Variants in SOCS1 observed in about 807,000 individuals in gnomAD.
SOCS1 encodes the protein JAK binding protein.
SOCS1 carries 3 observed loss-of-function variants against 9.7 expected under a neutral mutation model. The ratio of observed to expected loss-of-function variants is 0.31; its 90% CI spans 0.14 to 0.80. The LOEUF (loss-of-function observed/expected upper bound fraction) is 0.80. Among genes scored for constraint, SOCS1 ranks in the 30% least tolerant of loss-of-function variants. The probability of loss-of-function intolerance (pLI) is 0.61; values close to 1 mark genes in which losing one functional copy is unlikely to be tolerated. For missense variants in SOCS1, 368 were observed against 324.7 expected (o/e 1.13, Z -1.02); for synonymous variants, 194 against 150.2 (o/e 1.29, Z -2.13).
rs912273119 is a variant in SOCS1, at chr16:11,254,852, G to A, written c.627C>T (p.Phe209=). The part of the protein sequence containing the change: ...VLRDYLSSFP[F]QI ...CGGCGGGCGCTGCCGGTCAAATCTG[G>A]AAGGGGAAGGAGCTCAGGTAGTCGC... Residue 209 remains phenylalanine, a synonymous_variant, in exon 2 of 2, where the codon TTC becomes TTT. Coordinates refer to ENST00000332029, the MANE Select transcript of SOCS1 (RefSeq NM_003745.2). 6.8e-7 allele frequency: 1 copy of A among 1,480,458 alleles called. No homozygotes were observed. Among genetic ancestry groups the A allele is most frequent in the Admixed American group, 2.8e-5 (1 of 35,876 alleles). 91.7% of individuals were successfully genotyped at this position (1,480,458 alleles called of 1,614,324 possible).
intron 1 of SOCS1, 98 bp from the exon 2 acceptor site, chr16:11,255,626 G>A (rs2141125838): frequency 2.4e-6 from 1 of 417,444 alleles, no homozygotes; most frequent in East Asian, 3.6e-5. Flanking sequence ...GGCGGACCCG[G>A]CCCTAGGGGG....
At position 11,254,991 on chromosome 16, in the gene SOCS1, C is replaced by A; in HGVS notation, c.488G>T (p.Gly163Val). Residue 163 changes from glycine to valine, a missense_variant, in exon 2 of 2, where the codon GGG (glycine) becomes GTG (valine). By Grantham distance (109) the Gly-to-Val change is moderately radical. Transcript: ENST00000332029. ...CACGCGGCGCTGGCGCAGCGGGGCC[C>A]CCAGCATGCGGCGCGGCGCCGCCAC... ...HYVAAPRRML[G>V]APLRQRRVRP... is the part of the protein sequence containing the mutation. 2 of 1,561,370 alleles carry A rather than the reference C, an allele frequency of 1.3e-6. No homozygotes were observed. Among genetic ancestry groups the A allele is most frequent in the East Asian group, 2.5e-5 (1 of 39,256 alleles).
Position 11,255,312 on chromosome 16 carries a change from C to A in SOCS1, c.167G>T (p.Arg56Leu). The part of the protein sequence containing the change: ...PAPAPGDTHF[R>L]TFRSHADYRR... ...GTAATCGGCGTGCGAACGGAATGTG[C>A]GGAAGTGCGTGTCGCCGGGGGCCGG... Residue 56 changes from arginine to leucine, a missense_variant, in exon 2 of 2, where the codon CGC becomes CTC. Transcript: ENST00000332029. The A allele has an allele frequency of 1.3e-6, 2 of 1,487,796 alleles. No homozygotes were observed. The highest frequency in any genetic ancestry group is 1.8e-6 in the Non-Finnish European group (2 of 1,123,490). The allele number at this position is 1,487,796 out of a possible 1,614,324, so 92.2% of individuals were successfully genotyped here.
rs1467715276 is a variant in SOCS1, at chr16:11,255,217, C to A, written c.262G>T (p.Gly88Trp). 1.9e-6 allele frequency: 3 copies of A among 1,575,930 alleles called. No individual in the cohort carries two copies. The highest frequency in any genetic ancestry group is 2.4e-5 in the East Asian group (1 of 42,508). The change falls in exon 2 of 2, where the codon GGG becomes TGG. Residue 88 changes from glycine to tryptophan, a missense_variant. Physicochemically the swap from Gly to Trp is radical, Grantham distance 184. Transcript: ENST00000332029. ...GFYWGPLSVH[G>W]AHERLRAEPV... is the part of the protein sequence containing the mutation. ...TCGGCGCGCAGCCGCTCGTGCGCCC[C>A]GTGCACGCTCAGGGGCCCCCAGTAG...
chr16:11,254,645 A>G lies in SOCS1; in HGVS notation c.*198T>C. The stretch of plus-strand genomic sequence containing the variant: ...ACCAGGGGGACCCAGAGGGAGCACC[A>G]GGAGGGGGAGGACCCCCTCAAGAGG... On this transcript the variant is annotated 3_prime_UTR_variant, in exon 2 of 2. Coordinates refer to ENST00000332029, the MANE Select transcript of SOCS1 (RefSeq NM_003745.2). The G allele has an allele frequency of 1.6e-6, 1 of 639,686 alleles. No individual in the cohort carries two copies. Among genetic ancestry groups the G allele is most frequent in the Non-Finnish European group, 2.3e-6 (1 of 435,218 alleles). The allele number at this position is 639,686 out of a possible 1,614,324, so 39.6% of individuals were successfully genotyped here. A position where few individuals can be genotyped will look rare whatever the true frequency, so the allele number is the denominator to read the frequency against.
At position 11,255,086 on chromosome 16, in the gene SOCS1, C is replaced by G. The variant is rs752818785; in HGVS notation, c.393G>C (p.Gln131His). The G allele has an allele frequency of 2.2e-5, 36 of 1,610,154 alleles. No homozygotes were observed. In the Admixed American group the frequency reaches 2.8e-4, roughly 13 times the overall value. Residue 131 changes from glutamine to histidine, a missense_variant, in exon 2 of 2, where the codon CAG (glutamine) becomes CAC (histidine). Coordinates refer to ENST00000332029, the MANE Select transcript of SOCS1 (RefSeq NM_003745.2). Reference protein sequence around the residue: ...SGPTSIRVHFQAGRFHLDGSR... With the variant: ...SGPTSIRVHFHAGRFHLDGSR... The stretch of plus-strand genomic sequence containing the variant: ...TGCCATCCAGGTGAAAGCGGCCGGC[C>G]TGAAAGTGCACGCGGATGCTCGTGG...
In SOCS1 at chr16:11,255,089, A is replaced by T; in HGVS notation, c.390T>A (p.Phe130Leu). The T allele has an allele frequency of 6.2e-7, 1 of 1,610,234 alleles. No homozygotes were observed. The highest frequency in any genetic ancestry group is 8.5e-7 in the Non-Finnish European group (1 of 1,178,960). The change falls in exon 2 of 2, where the codon TTT becomes TTA. Residue 130 changes from phenylalanine to leucine, a missense_variant. Transcript: ENST00000332029. ...ASGPTSIRVHFQAGRFHLDGS... is the reference protein window; with the variant it reads ...ASGPTSIRVHLQAGRFHLDGS... ...CATCCAGGTGAAAGCGGCCGGCCTG[A>T]AAGTGCACGCGGATGCTCGTGGGTC...
Position 11,254,973 on chromosome 16 carries a change from CG to C in SOCS1, c.505del (p.Arg169AlafsTer36). 1 of 1,530,102 alleles carries C rather than the reference CG, an allele frequency of 6.5e-7. No homozygotes were observed. Among genetic ancestry groups the C allele is most frequent in the Non-Finnish European group, 8.7e-7 (1 of 1,144,484 alleles). 94.8% of individuals were successfully genotyped at this position (1,530,102 alleles called of 1,614,324 possible). ...RRMLGAPLRQ[R>X]RVRPLQELCR... Reference sequence around the variant, plus strand: ...CAGCTCCTGCAGCGGCCGCACGCGGCGCTGGCGCAGCGGGGCCCCCAGCATG... The same window carrying C: ...CAGCTCCTGCAGCGGCCGCACGCGGCCTGGCGCAGCGGGGCCCCCAGCATG... On this transcript the variant is annotated frameshift_variant, in exon 2 of 2. Coordinates refer to ENST00000332029, the MANE Select transcript of SOCS1 (RefSeq NM_003745.2). LOFTEE classifies it high-confidence loss of function.
chr16:11,255,284 C>T lies in SOCS1; in HGVS notation c.195G>A (p.Arg65=), dbSNP rs1383070028. The T allele has an allele frequency of 1.3e-6, 2 of 1,533,526 alleles. No homozygotes were observed. Among genetic ancestry groups the T allele is most frequent in the African/African-American group, 2.8e-5 (2 of 70,884 alleles). The allele number at this position is 1,533,526 out of a possible 1,614,324, so 95.0% of individuals were successfully genotyped here. Residue 65 remains arginine (R), a synonymous_variant, in exon 2 of 2, where the codon CGG becomes CGA. Coordinates refer to ENST00000332029, the MANE Select transcript of SOCS1 (RefSeq NM_003745.2). ...GGAGCGCGCTGGCGCGCGTGATGCG[C>T]CGGTAATCGGCGTGCGAACGGAATG... ...FRTFRSHADY[R]RITRASALLD...
In SOCS1 at chr16:11,255,522, G is replaced by C; in HGVS notation, c.-44C>G. 1 of 1,177,980 alleles carries C rather than the reference G, an allele frequency of 8.5e-7. No homozygotes were observed. Among genetic ancestry groups the C allele is most frequent in the Non-Finnish European group, 1.1e-6 (1 of 934,496 alleles). The allele number at this position is 1,177,980 out of a possible 1,614,324, so 73.0% of individuals were successfully genotyped here. Reference sequence around the variant, plus strand: ...CGGAGGGGTGGGCCATAGCGTCCGGGGGTGCGCTGCGGGAGAGACAAAGAG... The same window carrying C: ...CGGAGGGGTGGGCCATAGCGTCCGGCGGTGCGCTGCGGGAGAGACAAAGAG... On this transcript the variant is annotated 5_prime_UTR_variant, in exon 2 of 2. Transcript: ENST00000332029.
chr16:11,255,336 G>T lies in SOCS1; in HGVS notation c.143C>A (p.Pro48Gln). The T allele has an allele frequency of 6.9e-7, 1 of 1,455,678 alleles. No homozygotes were observed. The allele number at this position is 1,455,678 out of a possible 1,614,324, so 90.2% of individuals were successfully genotyped here. Reference protein sequence around the residue: ...RPRPCPAVPAPAPGDTHFRTF... With the variant: ...RPRPCPAVPAQAPGDTHFRTF... Reference sequence around the variant, plus strand: ...GCGGAAGTGCGTGTCGCCGGGGGCCGGGGCCGGGACCGCGGGGCACGGCCG... The same window carrying T: ...GCGGAAGTGCGTGTCGCCGGGGGCCTGGGCCGGGACCGCGGGGCACGGCCG... Residue 48 changes from proline to glutamine, a missense_variant, in exon 2 of 2, where the codon CCG becomes CAG. Coordinates refer to ENST00000332029, the MANE Select transcript of SOCS1 (RefSeq NM_003745.2).
chr16:11,255,158 G>C lies in SOCS1; in HGVS notation c.321C>G (p.Arg107=). Residue 107 remains arginine (R), a synonymous_variant, in exon 2 of 2, where the codon CGC becomes CGG. Transcript: ENST00000332029. ...TAAGGGCGAAAAAGCAGTTCCGCTG[G>C]CGGCTGTCGCGCACCAGGAAGGTGC... The part of the protein sequence containing the change: ...PVGTFLVRDS[R]QRNCFFALSV... The C allele has an allele frequency of 6.2e-7, 1 of 1,600,086 alleles. No homozygotes were observed. The highest frequency in any genetic ancestry group is 8.5e-7 in the Non-Finnish European group (1 of 1,177,006).
At position 11,255,375 on chromosome 16, in the gene SOCS1, G is replaced by A. The variant is rs2141125339; in HGVS notation, c.104C>T (p.Ala35Val). 2 of 1,338,698 alleles carry A rather than the reference G, an allele frequency of 1.5e-6. No homozygotes were observed. Among genetic ancestry groups the A allele is most frequent in the South Asian group, 2.2e-5 (1 of 46,064 alleles). 82.9% of individuals were successfully genotyped at this position (1,338,698 alleles called of 1,614,324 possible). A position where few individuals can be genotyped will look rare whatever the true frequency, so the allele number is the denominator to read the frequency against. ...PSSSSSSSPA[A>V]PARPRPCPAV... ...GGGGCACGGCCGCGGGCGCGCGGGG[G>A]CCGCGGGCGAGGAGGAGGAAGAGGA... The change falls in exon 2 of 2, where the codon GCC (alanine) becomes GTC (valine). Residue 35 changes from alanine to valine, a missense_variant. Physicochemically the swap from Ala to Val is moderately conservative, Grantham distance 64 (BLOSUM62 0). Coordinates refer to ENST00000332029, the MANE Select transcript of SOCS1 (RefSeq NM_003745.2).
Position 11,255,305 on chromosome 16 carries a change from G to A in SOCS1, c.174C>T (p.Phe58=), listed in dbSNP as rs746236382. 3 of 1,524,510 alleles carry A rather than the reference G, an allele frequency of 2.0e-6. No individual in the cohort carries two copies. In the South Asian group the frequency reaches 3.6e-5, roughly 19 times the overall value. The allele number at this position is 1,524,510 out of a possible 1,614,324, so 94.4% of individuals were successfully genotyped here. Residue 58 remains phenylalanine, a synonymous_variant, in exon 2 of 2, where the codon TTC becomes TTT. Transcript: ENST00000332029. ...TGCGCCGGTAATCGGCGTGCGAACG[G>A]AATGTGCGGAAGTGCGTGTCGCCGG... ...PAPGDTHFRT[F]RSHADYRRIT... is the part of the protein sequence containing the mutation.
rs1204340927 is a variant in SOCS1, at chr16:11,255,386, GGAGGAGGAA to G, written c.84_92del (p.Ser30_Ser32del). On this transcript the variant is annotated inframe_deletion, in exon 2 of 2. Transcript: ENST00000332029. Reference sequence around the variant, plus strand: ...GCGGGCGCGCGGGGGCCGCGGGCGAGGAGGAGGAAGAGGAGGAAGGTTCTGGCCGCCGTC... The same window carrying G: ...GCGGGCGCGCGGGGGCCGCGGGCGAGGAGGAGGAAGGTTCTGGCCGCCGTC... The G allele has an allele frequency of 1.0e-5, 14 of 1,337,708 alleles. No homozygotes were observed. The highest frequency in any genetic ancestry group is 8.3e-5 in the Admixed American group (2 of 24,230). 82.9% of individuals were successfully genotyped at this position (1,337,708 alleles called of 1,614,324 possible). A position where few individuals can be genotyped will look rare whatever the true frequency, so the allele number is the denominator to read the frequency against.
In SOCS1 at chr16:11,255,297, T is replaced by G; in HGVS notation, c.182A>C (p.His61Pro). The stretch of plus-strand genomic sequence containing the variant: ...GCGCGTGATGCGCCGGTAATCGGCG[T>G]GCGAACGGAATGTGCGGAAGTGCGT... ...GDTHFRTFRS[H>P]ADYRRITRAS... The change falls in exon 2 of 2, where the codon CAC becomes CCC. Residue 61 changes from histidine to proline, a missense_variant. His to Pro is a moderately conservative substitution (Grantham distance 77, BLOSUM62 -2). Coordinates refer to ENST00000332029, the MANE Select transcript of SOCS1 (RefSeq NM_003745.2). 2 of 1,527,638 alleles carry G rather than the reference T, an allele frequency of 1.3e-6. No individual in the cohort carries two copies. The highest frequency in any genetic ancestry group is 2.0e-5 in the Admixed American group (1 of 49,992). The allele number at this position is 1,527,638 out of a possible 1,614,324, so 94.6% of individuals were successfully genotyped here.
chr16:11,255,964 CA>C (rs1230582808), intron 1 of SOCS1, 114 bp downstream of exon 1: 1 of 152,162 alleles, frequency 6.6e-6, no homozygotes, highest in East Asian at 1.9e-4. Context: ...CGGCGAGGGT[CA>C]GGGGCATCGC....
intron 1 of SOCS1, chr16:11,255,782 G>A (rs1003439604): frequency 2.3e-5 from 6 of 265,340 alleles, no homozygotes; most frequent in Non-Finnish European, 3.6e-5. Flanking sequence ...CCGAGAGGGG[G>A]GCGTGGAGAG....
chr16:11,255,625 G>C (rs965303511), intron 1 of SOCS1, 97 bp from the exon 2 acceptor site: 1 of 415,266 alleles, frequency 2.4e-6, no homozygotes, highest in Non-Finnish European at 4.1e-6. Context: ...CGGCGGACCC[G>C]GCCCTAGGGG....
Sources: allele counts gnomAD v4.1 joint callset, GRCh38; gene constraint gnomAD v4.1.1; transcripts MANE v1.5; gene names NCBI Gene and HGNC (gene_info 2026-07-23, HGNC 2026-07-21).